The following FHIT variants were observed in gnomAD, a reference collection of about 807,000 sequenced individuals.
The protein encoded by FHIT is fragile histidine triad diadenosine triphosphatase, also known as bis(5'-adenosyl)-triphosphatase.
A neutral mutation model predicts 17.9 loss-of-function variants in FHIT; 19 were observed. The ratio of observed to expected loss-of-function variants is 1.06; its 90% CI spans 0.74 to 1.56. The LOEUF (loss-of-function observed/expected upper bound fraction) is 1.56. FHIT is among the 40% of genes most tolerant of loss of function. The pLI is 0.00. For synonymous variants in FHIT, 81 were observed against 69.7 expected (o/e 1.16, Z -0.81); for missense variants, 248 against 189.2 (o/e 1.31, Z -1.82).
intron 5 of FHIT, among the ~76,000 whole-genome samples, chr3:60,522,659 AGGATGTTTTGAG>A (rs2035417083): frequency 1.3e-5 from 2 of 152,326 alleles, no homozygotes; most frequent in Admixed American, 1.3e-4. Flanking sequence ...GTGCATTGGA[AGGATGTTTTGAG>A]AATGCTGTCA....
At chr3:60,019,479 C>T (rs1324563274) in intron 5 of FHIT, among the ~76,000 whole-genome samples, 1 of 144,106 alleles carries the variant, frequency 6.9e-6, no homozygotes, top group Non-Finnish European at 1.5e-5. Flanking sequence ...AGAGCAATGG[C>T]ACAATCTCAG....
At chr3:60,093,738 C>A (rs917823943) in intron 5 of FHIT, among the ~76,000 whole-genome samples, 1 of 152,132 alleles carries the variant, frequency 6.6e-6, no homozygotes, top group Non-Finnish European at 1.5e-5. Flanking sequence ...AGAATGCGGG[C>A]TCCTTATGAG....
In FHIT at chr3:61,027,842, T is replaced by C. The variant is rs147432914; in HGVS notation, c.-111+14205A>G. On this transcript the variant is annotated intron_variant, in intron 3 of 9. Coordinates refer to ENST00000492590, the MANE Select transcript of FHIT (RefSeq NM_002012.4). The stretch of plus-strand genomic sequence containing the variant: ...ACAATCAAGAGTAGTGATTATTTTA[T>C]TCATATTTATAAATTACATGTTACA... Among the ~76,000 whole-genome samples the C allele has an allele frequency of 1.8e-3, 276 of 152,356 alleles. 1 individual carries two copies. Among genetic ancestry groups the C allele is most frequent in the Non-Finnish European group, 3.4e-3 (232 of 68,034 alleles).
At chr3:60,852,873 C>G (rs573500240) in intron 3 of FHIT, among the ~76,000 whole-genome samples, 1 of 151,928 alleles carries the variant, frequency 6.6e-6, no homozygotes, top group African/African-American at 2.4e-5. Context: ...AAGAAATATT[C>G]CATTTTTTCA....
At chr3:60,614,810 T>TC (rs1396731851) in intron 4 of FHIT, among the ~76,000 whole-genome samples, 1 of 20,304 alleles carries the variant, frequency 4.9e-5, no homozygotes, top group South Asian at 1.3e-3. Flanking sequence ...GCAAAAGTTG[T>TC]TTTTTTTTTG....
At chr3:60,128,690 G>A (rs765687061) in intron 5 of FHIT, among the ~76,000 whole-genome samples, 69 of 152,186 alleles carry the variant, frequency 4.5e-4, no homozygotes, top group Non-Finnish European at 9.3e-4. Context: ...CATAGTAACT[G>A]AGCATCAGGT....
intron 4 of FHIT, among the ~76,000 whole-genome samples, chr3:60,648,217 G>A (rs1022208637): frequency 7.9e-5 from 12 of 152,250 alleles, no homozygotes; most frequent in African/African-American, 2.9e-4. Context: ...TCAGGTAATT[G>A]GAAGCTCAAA....
At chr3:60,873,138 GGAGAGAGA>G (rs71287128) in intron 3 of FHIT, among the ~76,000 whole-genome samples, 2 of 147,054 alleles carry the variant, frequency 1.4e-5, no homozygotes, top group African/African-American at 5.0e-5. Flanking sequence ...AGAGGGAGAG[GGAGAGAGA>G]GAGAGAGAGA....
rs1203563095 is a variant in FHIT, at chr3:60,741,042, C to T, written c.-18+80877G>A. On this transcript the variant is annotated intron_variant, in intron 4 of 9. Transcript: ENST00000492590. ...TTAACCCAGAAAAAAAGTCCAGGGA[C>T]ATATATATTTTGGTAGCCTAGAATT... Among the ~76,000 whole-genome samples, 9 of 152,330 alleles carry T rather than the reference C, an allele frequency of 5.9e-5. No homozygotes were observed. The South Asian group carries it at 6.2e-4, about 11-fold the overall frequency.
chr3:60,573,318 T>C (rs1553656390), intron 4 of FHIT, among the ~76,000 whole-genome samples: 1 of 152,150 alleles, frequency 6.6e-6, no homozygotes, highest in African/African-American at 2.4e-5. Flanking sequence ...ACATCCCTTC[T>C]TCTGCAGAAG....
chr3:60,026,531 T>C (rs974538699), intron 5 of FHIT, among the ~76,000 whole-genome samples: 11 of 152,180 alleles, frequency 7.2e-5, no homozygotes, highest in Non-Finnish European at 1.3e-4. Flanking sequence ...CTCTGTTTTT[T>C]ATTTCCCCCT....
chr3:60,743,773 A>G (rs1331560658), intron 4 of FHIT, among the ~76,000 whole-genome samples: 5 of 152,188 alleles, frequency 3.3e-5, no homozygotes, highest in South Asian at 2.1e-4. Flanking sequence ...GAGGTAGCTG[A>G]GGACACAGGT....
chr3:60,543,403 G>A (rs1234978919), intron 4 of FHIT, among the ~76,000 whole-genome samples: 2 of 152,136 alleles, frequency 1.3e-5, no homozygotes, highest in Non-Finnish European at 2.9e-5. Context: ...TGATTAGACT[G>A]AATTTAAATT....
chr3:61,165,770 G>A (rs1260670773), intron 2 of FHIT: 1 of 152,218 alleles, frequency 6.6e-6, no homozygotes, highest in Non-Finnish European at 1.5e-5. Flanking sequence ...AGGAGTCAGA[G>A]GTTGCAGTGA....
At chr3:60,818,565 C>A (rs1701814764) in intron 4 of FHIT, among the ~76,000 whole-genome samples, 1 of 152,128 alleles carries the variant, frequency 6.6e-6, no homozygotes, top group African/African-American at 2.4e-5. Context: ...TTATCAAGTG[C>A]ATATTCATCT....
intron 8 of FHIT, among the ~76,000 whole-genome samples, chr3:59,850,525 G>A (rs1244286191): frequency 6.6e-6 from 1 of 152,162 alleles, no homozygotes; most frequent in Non-Finnish European, 1.5e-5. Context: ...GAGAAGTGAA[G>A]GCTGGTACAT....
intron 4 of FHIT, among the ~76,000 whole-genome samples, chr3:60,688,554 C>T (rs2040913638): frequency 6.6e-6 from 1 of 151,864 alleles, no homozygotes; most frequent in Non-Finnish European, 1.5e-5. Flanking sequence ...GCCTCAGCCT[C>T]TTGAGTAGCT....
intron 5 of FHIT, among the ~76,000 whole-genome samples, chr3:60,338,046 C>A (rs1333043664): frequency 6.6e-6 from 1 of 151,966 alleles, no homozygotes; most frequent in Non-Finnish European, 1.5e-5. Flanking sequence ...TTTTTTTTCC[C>A]ATTTATGTAG....
chr3:59,922,294 C>A, intron 8 of FHIT, 52 bp downstream of exon 8: 1 of 1,399,526 alleles, frequency 7.1e-7, no homozygotes, highest in Non-Finnish European at 1.0e-6. Flanking sequence ...TTGATGTCAT[C>A]CCACCGACAG....
Sources: gnomAD v4.1 joint callset for allele counts (sites outside exome capture counted in the v4.1 genomes callset) on GRCh38, gnomAD v4.1.1 for gene constraint, MANE v1.5 for transcripts, NCBI Gene and HGNC (gene_info 2026-07-23, HGNC 2026-07-21) for gene names.